The following PTPN1 variants were observed in gnomAD, a reference collection of about 807,000 sequenced individuals.
PTPN1 encodes protein tyrosine phosphatase non-receptor type 1.
A neutral mutation model predicts 59.9 loss-of-function variants in PTPN1; 12 were observed. The observed-to-expected ratio is 0.20, with a 90% CI of 0.13 to 0.32. The LOEUF (loss-of-function observed/expected upper bound fraction) is 0.32, where lower values mean the gene tolerates loss of function less well. Ranked by LOEUF, PTPN1 falls within the 10% of genes least tolerant of loss-of-function variation. The probability of loss-of-function intolerance (pLI) is 1.00; values close to 1 mark genes in which losing one functional copy is unlikely to be tolerated. For missense variants in PTPN1, 356 were observed against 549.2 expected, an observed-to-expected ratio of 0.65 and a Z score of 3.52; for synonymous variants, 178 against 203.6, an observed-to-expected ratio of 0.87 and a Z score of 1.07.
rs373915433 is a variant in PTPN1 at position 50,582,792 on chromosome 20, C to T, written c.*77C>T. On this transcript the variant is annotated 3_prime_UTR_variant, in exon 10 of 10. Coordinates refer to ENST00000371621, the MANE Select transcript of PTPN1 (RefSeq NM_002827.4). This position sits in a 1 kb window ranked among gnomAD's most constrained non-coding sequence, Gnocchi z 4.2. ...GCCCACGCCCGACTAGCAGGCATGCCGCGGTAGGTAAGGGCCGCCGGACCG... is the reference window on the plus strand; with the variant it reads ...GCCCACGCCCGACTAGCAGGCATGCTGCGGTAGGTAAGGGCCGCCGGACCG... 67 of 1,583,286 alleles carry T rather than the reference C, an allele frequency of 4.2e-5. No homozygotes were observed. Among genetic ancestry groups the T allele is most frequent in the African/African-American group, 9.4e-5 (7 of 74,312 alleles).
rs192899525 is a variant in PTPN1, at chr20:50,526,328, G to T, written c.63+15738G>T. Among the ~76,000 whole-genome samples, 5 of 152,010 alleles carry T rather than the reference G, an allele frequency of 3.3e-5. No individual in the cohort carries two copies. In the East Asian group the frequency reaches 9.7e-4, roughly 29 times the overall value. On this transcript the variant is annotated intron_variant, in intron 1 of 9. Coordinates refer to ENST00000371621, the MANE Select transcript of PTPN1 (RefSeq NM_002827.4). ...ACTCCTAAACTCAAGTGATCCTCCC[G>T]CCTCGGGCTCCCAAAATGCTGGGAT...
intron 4 of PTPN1, 162 bp from the exon 5 acceptor site, chr20:50,574,355 C>T (rs1272264937): frequency 2.0e-5 from 14 of 683,662 alleles, no homozygotes; most frequent in Middle Eastern, 4.1e-4. Flanking sequence ...CCCCCACCCC[C>T]ATCTCCCCAT....
At chr20:50,558,862 A>G (rs2082737587) in intron 1 of PTPN1, among the ~76,000 whole-genome samples, 1 of 151,670 alleles carries the variant, frequency 6.6e-6, no homozygotes. Flanking sequence ...TTTTTGCAGA[A>G]ATTTCCTTTG....
intron 1 of PTPN1, among the ~76,000 whole-genome samples, chr20:50,527,199 G>A (rs564974502): frequency 8.5e-5 from 13 of 152,204 alleles, no homozygotes; most frequent in African/African-American, 2.6e-4. Flanking sequence ...CAGCCGAGAC[G>A]GCCCCTCCAG....
chr20:50,529,076 T>C (rs1205859834), intron 1 of PTPN1, among the ~76,000 whole-genome samples: 1 of 152,212 alleles, frequency 6.6e-6, no homozygotes, highest in African/African-American at 2.4e-5. Context: ...ATCCCAGTTA[T>C]GTTAATGCTC....
At chr20:50,513,670 T>G (rs1176293018) in intron 1 of PTPN1, among the ~76,000 whole-genome samples, 1 of 152,246 alleles carries the variant, frequency 6.6e-6, no homozygotes, top group African/African-American at 2.4e-5. Flanking sequence ...TTTTTATAGC[T>G]GTTTTCATTA....
chr20:50,547,614 G>A (rs186635786), intron 1 of PTPN1, among the ~76,000 whole-genome samples: 4 of 152,180 alleles, frequency 2.6e-5, no homozygotes, highest in Admixed American at 1.3e-4. Flanking sequence ...CGCCTGCCTC[G>A]GCCTCCCAAA....
intron 4 of PTPN1, among the ~76,000 whole-genome samples, chr20:50,569,514 G>T (rs923775214): frequency 6.6e-6 from 1 of 152,082 alleles, no homozygotes; most frequent in Admixed American, 6.5e-5. Flanking sequence ...AGACTGTCCT[G>T]TGTAGACTGT....
chr20:50,542,342 T>C (rs1454049773), intron 1 of PTPN1, among the ~76,000 whole-genome samples: 1 of 152,252 alleles, frequency 6.6e-6, no homozygotes, highest in Non-Finnish European at 1.5e-5. Context: ...CGAAGATTGA[T>C]TTTTAGCACA....
chr20:50,561,267 T>C, intron 1 of PTPN1, 96 bp from the exon 2 acceptor site: 1 of 922,144 alleles, frequency 1.1e-6, no homozygotes, highest in Non-Finnish European at 1.7e-6. Context: ...TCACCTTGCA[T>C]TTCCCATATT....
chr20:50,510,680 C>A, intron 1 of PTPN1, 90 bp downstream of exon 1: 2 of 1,348,978 alleles, frequency 1.5e-6, no homozygotes, highest in Non-Finnish European at 2.0e-6. Context: ...CCCTCTGGGT[C>A]TTGCCCTCTG....
In PTPN1 at chr20:50,582,673, C is replaced by T. The variant is rs772414202; in HGVS notation, c.1285-19C>T. 21 of 1,613,276 alleles carry T rather than the reference C, an allele frequency of 1.3e-5. No individual in the cohort carries two copies. In the South Asian group the frequency reaches 1.8e-4, roughly 14 times the overall value. On this transcript the variant is annotated intron_variant, in intron 9 of 9. Transcript: ENST00000371621. This position sits in a 1 kb window ranked among gnomAD's most constrained non-coding sequence, Gnocchi z 4.2. ...AGGTGCGGGTCTGGGCTCATCTGAA[C>T]TGTTTGGTTTCATTCCAGTTCCTGT...
chr20:50,537,382 G>A (rs1174981030), intron 1 of PTPN1, among the ~76,000 whole-genome samples: 2 of 152,076 alleles, frequency 1.3e-5, no homozygotes, highest in African/African-American at 4.8e-5. Context: ...GATCCCATGT[G>A]CGCTTTGCCT....
At chr20:50,556,424 CA>C (rs2082726249) in intron 1 of PTPN1, among the ~76,000 whole-genome samples, 1 of 152,052 alleles carries the variant, frequency 6.6e-6, no homozygotes, top group African/African-American at 2.4e-5. Context: ...CTCCTGGGCT[CA>C]AACAATCCTC....
chr20:50,544,820 C>T (rs928705363), intron 1 of PTPN1, among the ~76,000 whole-genome samples: 4 of 152,284 alleles, frequency 2.6e-5, no homozygotes, highest in African/African-American at 9.6e-5. Flanking sequence ...GCCTGGCCAA[C>T]ACAGTGAAAC....
chr20:50,554,598 T>C lies in PTPN1; in HGVS notation c.64-6765T>C, dbSNP rs150918681. On this transcript the variant is annotated intron_variant, in intron 1 of 9. Coordinates refer to ENST00000371621, the MANE Select transcript of PTPN1 (RefSeq NM_002827.4). ...CATAGATAAATATGAAATATATTTT[T>C]ATTTTAAAATTTATTTAAAGCAAAA... 3.1e-3 allele frequency among the ~76,000 whole-genome samples: 471 copies of C among 152,240 alleles called. 5 individuals are homozygous for C. The highest frequency in any genetic ancestry group is 8.8e-3 in the African/African-American group (367 of 41,536).
At chr20:50,513,430 T>A (rs951785106) in intron 1 of PTPN1, among the ~76,000 whole-genome samples, 6 of 152,150 alleles carry the variant, frequency 3.9e-5, no homozygotes, top group African/African-American at 1.4e-4. Context: ...AAAGAATAGC[T>A]CATGTGCTCC....
At chr20:50,531,741 T>G (rs2082602048) in intron 1 of PTPN1, among the ~76,000 whole-genome samples, 1 of 152,182 alleles carries the variant, frequency 6.6e-6, no homozygotes, top group South Asian at 2.1e-4. Context: ...TCCAGTATGC[T>G]GGGCTCCACT....
At chr20:50,537,721 C>G (rs1303887215) in intron 1 of PTPN1, among the ~76,000 whole-genome samples, 1 of 152,108 alleles carries the variant, frequency 6.6e-6, no homozygotes, top group Non-Finnish European at 1.5e-5. Context: ...TGCCAATCTG[C>G]TTGTACTTTA....
Sources: allele counts gnomAD v4.1 joint callset (sites outside exome capture counted in the v4.1 genomes callset), GRCh38; gene constraint gnomAD v4.1.1; non-coding constraint Gnocchi (gnomAD v3.1); transcripts MANE v1.5; gene names NCBI Gene and HGNC (gene_info 2026-07-23, HGNC 2026-07-21).